The following ASTN2 variants were observed in gnomAD, a reference collection of about 807,000 sequenced individuals.
ASTN2 encodes astrotactin 2.
Under a neutral mutation model 139.8 loss-of-function variants are expected in ASTN2, and 54 were observed. The observed-to-expected ratio is 0.39, with a 90% confidence interval of 0.31 to 0.48. ASTN2 has a LOEUF of 0.48. Among genes scored for constraint, ASTN2 ranks in the 20% least tolerant of loss-of-function variants. ASTN2 has a pLI of 0.95. For missense variants in ASTN2, 1,565 were observed against 1,725.1 expected, an observed-to-expected ratio of 0.91 and a Z score of 1.64; for synonymous variants, 756 against 719.5, an observed-to-expected ratio of 1.05 and a Z score of -0.81.
intron 19 of ASTN2, among the ~76,000 whole-genome samples, chr9:116,606,247 G>A (rs1344008514): frequency 2.0e-5 from 3 of 152,140 alleles, no homozygotes; most frequent in South Asian, 2.1e-4. Context: ...TCCTAACAGC[G>A]TCCCGGAACT....
intron 13 of ASTN2, among the ~76,000 whole-genome samples, chr9:116,773,373 T>A (rs1460704157): frequency 6.6e-6 from 1 of 152,196 alleles, no homozygotes; most frequent in Non-Finnish European, 1.5e-5. Flanking sequence ...TTTATATTCC[T>A]GCCAAGGTCT....
At chr9:117,113,223 C>T (rs540531661) in intron 4 of ASTN2, among the ~76,000 whole-genome samples, 1 of 152,306 alleles carries the variant, frequency 6.6e-6, no homozygotes, top group South Asian at 2.1e-4. Flanking sequence ...CCAGATATCC[C>T]ATTCCTAGTT....
chr9:117,059,277 G>C (rs1478439947), intron 5 of ASTN2, among the ~76,000 whole-genome samples: 6 of 152,174 alleles, frequency 3.9e-5, no homozygotes, highest in African/African-American at 1.4e-4. Flanking sequence ...CAGACAGAAT[G>C]TCTTCAACAG....
intron 5 of ASTN2, among the ~76,000 whole-genome samples, chr9:117,059,356 G>A (rs1345499106): frequency 1.3e-5 from 2 of 152,186 alleles, no homozygotes; most frequent in African/African-American, 4.8e-5. Flanking sequence ...GCTCATGCCT[G>A]TAATCCCAGC....
chr9:116,799,710 G>GC (rs1830792682), intron 13 of ASTN2, among the ~76,000 whole-genome samples: 1 of 146,638 alleles, frequency 6.8e-6, no homozygotes, highest in African/African-American at 2.5e-5. Context: ...AGAGAGTGGG[G>GC]GGGGGGAGAA....
intron 4 of ASTN2, among the ~76,000 whole-genome samples, chr9:117,109,355 TAA>T (rs72281795): frequency 0.3 from 30,998 of 103,988 alleles, 3,348 homozygotes; most frequent in Middle Eastern, 0.47. Flanking sequence ...AATAAATAAA[TAA>T]AAATAAATAA....
At chr9:116,528,499 A>C (rs1338879167) in intron 19 of ASTN2, among the ~76,000 whole-genome samples, 1 of 152,224 alleles carries the variant, frequency 6.6e-6, no homozygotes, top group Non-Finnish European at 1.5e-5. Flanking sequence ...AAAAGTTTGG[A>C]AAATTTGCAG....
intron 1 of ASTN2, among the ~76,000 whole-genome samples, chr9:117,386,345 C>CTG (rs1170692942): frequency 3.3e-5 from 5 of 152,126 alleles, no homozygotes; most frequent in Non-Finnish European, 7.4e-5. Context: ...CAGCTGACAG[C>CTG]CTCCAGGTTA....
At position 116,777,560 on chromosome 9, in the gene ASTN2, T is replaced by G. The variant is rs4837851; in HGVS notation, c.2396+28072A>C. Among the ~76,000 whole-genome samples, 952 of 152,010 alleles carry G rather than the reference T, an allele frequency of 6.3e-3. 6 individuals carry two copies. The highest frequency in any genetic ancestry group is 0.01 in the Non-Finnish European group (699 of 68,000). On this transcript the variant is annotated intron_variant, in intron 13 of 22. Coordinates refer to ENST00000313400, the MANE Select transcript of ASTN2 (RefSeq NM_001365068.1). ...AATCACAGAGAGTAGACGTGGCATG[T>G]GAGGCGGGGTGGGAGACAGTTGTTA... is the stretch of plus-strand genomic sequence containing the variant.
intron 19 of ASTN2, among the ~76,000 whole-genome samples, chr9:116,576,399 A>C (rs1309772121): frequency 6.6e-6 from 1 of 152,166 alleles, no homozygotes; most frequent in Non-Finnish European, 1.5e-5. Context: ...CTGGAATTCA[A>C]ACTCAGGATG....
At chr9:116,842,010 C>T (rs1832276762) in intron 11 of ASTN2, among the ~76,000 whole-genome samples, 1 of 152,154 alleles carries the variant, frequency 6.6e-6, no homozygotes, top group East Asian at 1.9e-4. Flanking sequence ...ACTGAAGGCC[C>T]CCTGACTATG....
chr9:116,768,547 G>C (rs564221227), intron 13 of ASTN2, among the ~76,000 whole-genome samples: 2 of 152,220 alleles, frequency 1.3e-5, no homozygotes, highest in South Asian at 4.1e-4. Flanking sequence ...AATTGCTATG[G>C]TCTGAATATT....
rs114300270 is a variant in ASTN2, at chr9:116,547,961, C to T, written c.3356-60461G>A. On this transcript the variant is annotated intron_variant, in intron 19 of 22. Coordinates refer to ENST00000313400, the MANE Select transcript of ASTN2 (RefSeq NM_001365068.1). The stretch of plus-strand genomic sequence containing the variant: ...GCGGGAGGCATACACTCCCAACTCA[C>T]CCCCACACACCCTGCCCACCTGTCT... Among the ~76,000 whole-genome samples the T allele has an allele frequency of 6.0e-3, 915 of 152,262 alleles. 10 individuals carry two copies. The highest frequency in any genetic ancestry group is 0.021 in the African/African-American group (871 of 41,570).
At chr9:117,188,457 G>T (rs1262043595) in intron 3 of ASTN2, among the ~76,000 whole-genome samples, 1 of 152,090 alleles carries the variant, frequency 6.6e-6, no homozygotes, top group Non-Finnish European at 1.5e-5. Context: ...ACATAGTGGG[G>T]CTATCATCTC....
Position 116,792,313 on chromosome 9 carries a change from T to C in ASTN2, c.2396+13319A>G, listed in dbSNP as rs149813435. 4.6e-5 allele frequency among the ~76,000 whole-genome samples: 7 copies of C among 152,308 alleles called. No individual in the cohort carries two copies. In the East Asian group the frequency reaches 1.4e-3, roughly 29 times the overall value. ...AATAATAAAGCTTCACCCAGGCCAATGTCTTCTCCTAAATGGATTTCTCGC... is the reference window on the plus strand; with the variant it reads ...AATAATAAAGCTTCACCCAGGCCAACGTCTTCTCCTAAATGGATTTCTCGC... On this transcript the variant is annotated intron_variant, in intron 13 of 22. Transcript: ENST00000313400.
Position 117,068,739 on chromosome 9 carries a change from G to T in ASTN2, c.1276+27305C>A, listed in dbSNP as rs566914843. On this transcript the variant is annotated intron_variant, in intron 5 of 22. Transcript: ENST00000313400. ...ACTTCTTCCTGGTTTAGTCTTGGGA[G>T]AGTGTATGTGTCGAGGAATTTATCC... 4.1e-3 allele frequency among the ~76,000 whole-genome samples: 492 copies of T among 121,356 alleles called. 58 individuals carry two copies. Among genetic ancestry groups the T allele is most frequent in the Non-Finnish European group, 7.1e-3 (394 of 55,296 alleles). 79.6% of individuals were successfully genotyped at this position (121,356 alleles called of 152,430 possible). A position where few individuals can be genotyped will look rare whatever the true frequency, so the allele number is the denominator to read the frequency against.
chr9:117,014,533 C>T (rs1161178742), intron 6 of ASTN2, among the ~76,000 whole-genome samples: 1 of 152,140 alleles, frequency 6.6e-6, no homozygotes, highest in African/African-American at 2.4e-5. Context: ...TTTCCTCTGT[C>T]ATCTTCTTTC....
intron 3 of ASTN2, among the ~76,000 whole-genome samples, chr9:117,177,550 A>G (rs1359491907): frequency 1.3e-5 from 2 of 152,156 alleles, no homozygotes; most frequent in East Asian, 3.9e-4. Flanking sequence ...AAGGTACCCA[A>G]TGTTTTGCAA....
chr9:116,596,690 A>T (rs982872972), intron 19 of ASTN2, among the ~76,000 whole-genome samples: 2 of 152,214 alleles, frequency 1.3e-5, no homozygotes, highest in African/African-American at 4.8e-5. Flanking sequence ...GATAATTTCA[A>T]CAAATGCTGA....
Sources: gnomAD v4.1 joint callset for allele counts (sites outside exome capture counted in the v4.1 genomes callset) on GRCh38, gnomAD v4.1.1 for gene constraint, MANE v1.5 for transcripts, NCBI Gene and HGNC (gene_info 2026-07-23, HGNC 2026-07-21) for gene names.